The following SUGCT variants were observed in gnomAD, a reference collection of about 807,000 sequenced individuals.
SUGCT encodes succinyl-CoA:glutarate CoA-transferase.
A neutral mutation model predicts 55.0 loss-of-function variants in SUGCT; 41 were observed. The observed-to-expected ratio is 0.74, with a 90% CI of 0.58 to 0.97. SUGCT has a LOEUF of 0.97. Among genes scored for constraint, SUGCT ranks in the 50% least tolerant of loss-of-function variants. SUGCT has a pLI of 0.00. For missense variants in SUGCT, 568 were observed against 547.8 expected, an observed-to-expected ratio of 1.04 and a Z score of -0.37; for synonymous variants, 187 against 200.4, an observed-to-expected ratio of 0.93 and a Z score of 0.56.
intron 12 of SUGCT, among the ~76,000 whole-genome samples, chr7:40,639,032 G>C (rs1800145544): frequency 6.6e-6 from 1 of 152,216 alleles, no homozygotes; most frequent in African/African-American, 2.4e-5. Context: ...TGAATTGGGT[G>C]AACAGTGGGA....
chr7:40,916,435 T>A, the SUGCT span, among the ~76,000 whole-genome samples: 8 of 152,180 alleles, frequency 5.3e-5, no homozygotes, highest in African/African-American at 1.7e-4. Flanking sequence ...TACTACTAGA[T>A]TTTAACCTGG....
At chr7:40,692,027 A>T (rs1231430304) in intron 12 of SUGCT, among the ~76,000 whole-genome samples, 1 of 152,204 alleles carries the variant, frequency 6.6e-6, no homozygotes, top group African/African-American at 2.4e-5. Context: ...AATTTGAACT[A>T]GATGTCTCTA....
At chr7:40,953,933 C>G in the SUGCT span, among the ~76,000 whole-genome samples, 1 of 152,174 alleles carries the variant, frequency 6.6e-6, no homozygotes, top group African/African-American at 2.4e-5. Flanking sequence ...TGTCTGTTCT[C>G]AGATCTCAAA....
At chr7:40,679,580 C>T (rs920003767) in intron 12 of SUGCT, among the ~76,000 whole-genome samples, 6 of 152,114 alleles carry the variant, frequency 3.9e-5, no homozygotes, top group African/African-American at 1.4e-4. Context: ...TCTAGACAAC[C>T]TTTCCCACTT....
intron 9 of SUGCT, among the ~76,000 whole-genome samples, chr7:40,402,523 C>T (rs537407082): frequency 6.6e-6 from 1 of 151,752 alleles, no homozygotes; most frequent in Non-Finnish European, 1.5e-5. Context: ...AAAAATAAAT[C>T]CCCTTAACAA....
chr7:40,279,638 A>G (rs1176137830), intron 8 of SUGCT, among the ~76,000 whole-genome samples: 1 of 149,340 alleles, frequency 6.7e-6, no homozygotes, highest in Non-Finnish European at 1.5e-5. Flanking sequence ...AAAGTTGGCT[A>G]ATAACATAAT....
chr7:40,245,421 A>ATTTTTT (rs1789764719), intron 7 of SUGCT, among the ~76,000 whole-genome samples: 1 of 39,884 alleles, frequency 2.5e-5, no homozygotes, highest in Non-Finnish European at 4.7e-5. Flanking sequence ...ATATATATAT[A>ATTTTTT]TATTTTTTTT....
intron 12 of SUGCT, among the ~76,000 whole-genome samples, chr7:40,609,112 G>A (rs1344864176): frequency 6.6e-6 from 1 of 152,090 alleles, no homozygotes; most frequent in Non-Finnish European, 1.5e-5. Context: ...ATGTATCTGT[G>A]ATCTCGAGCA....
chr7:40,258,027 G>A (rs1790933625), intron 7 of SUGCT, among the ~76,000 whole-genome samples: 1 of 152,174 alleles, frequency 6.6e-6, no homozygotes, highest in Non-Finnish European at 1.5e-5. Flanking sequence ...GGTGTCCCAG[G>A]CTTCTTGCTG....
chr7:40,452,595 G>C (rs1301922369), intron 10 of SUGCT, among the ~76,000 whole-genome samples: 1 of 152,090 alleles, frequency 6.6e-6, no homozygotes, highest in African/African-American at 2.4e-5. Flanking sequence ...AAGTCTTATT[G>C]GTAGGTGAAC....
intron 9 of SUGCT, among the ~76,000 whole-genome samples, chr7:40,427,107 G>C (rs188584920): frequency 6.6e-6 from 1 of 152,102 alleles, no homozygotes; most frequent in African/African-American, 2.4e-5. Context: ...ATACAACCCA[G>C]CTAAGAATAG....
intron 12 of SUGCT, among the ~76,000 whole-genome samples, chr7:40,659,615 A>T (rs1801204583): frequency 6.6e-6 from 1 of 152,234 alleles, no homozygotes; most frequent in African/African-American, 2.4e-5. Context: ...GAATACCAAC[A>T]GGATTCTTGT....
At chr7:40,268,653 A>ATT (rs200344717) in intron 7 of SUGCT, among the ~76,000 whole-genome samples, 3 of 146,566 alleles carry the variant, frequency 2.0e-5, no homozygotes, top group African/African-American at 2.5e-5. Context: ...CTTGTTTTTA[A>ATT]TTTTTTTTTT....
intron 3 of SUGCT, among the ~76,000 whole-genome samples, chr7:40,183,042 G>A (rs1785306361): frequency 6.6e-6 from 1 of 152,222 alleles, no homozygotes; most frequent in Non-Finnish European, 1.5e-5. Context: ...GGAGGCCAAG[G>A]CAGGCGGATC....
intron 13 of SUGCT, among the ~76,000 whole-genome samples, chr7:40,805,426 A>T (rs1222026321): frequency 6.6e-6 from 1 of 152,210 alleles, no homozygotes; most frequent in Non-Finnish European, 1.5e-5. Context: ...CTGGCTGGCT[A>T]CATGTAACAT....
At chr7:41,028,574 A>G in the SUGCT span, among the ~76,000 whole-genome samples, 1 of 152,240 alleles carries the variant, frequency 6.6e-6, no homozygotes, top group Admixed American at 6.5e-5. Flanking sequence ...CTCCAAGGCT[A>G]CAAACTTGTA....
In SUGCT at chr7:40,650,737, G is replaced by C. The variant is rs552261304; in HGVS notation, c.1090-98697G>C. ...TGTACTTTTTTATTTTAAGTTCTAGGGTACATCTGCAGGATGTGCAGGTTT... is the reference window on the plus strand; with the variant it reads ...TGTACTTTTTTATTTTAAGTTCTAGCGTACATCTGCAGGATGTGCAGGTTT... On this transcript the variant is annotated intron_variant, in intron 12 of 13. Transcript: ENST00000335693. Among the ~76,000 whole-genome samples the C allele has an allele frequency of 2.1e-4, 32 of 152,136 alleles. No homozygotes were observed. The South Asian group carries it at 6.6e-3, about 32-fold the overall frequency.
At chr7:40,370,954 C>T (rs1311948168) in intron 9 of SUGCT, among the ~76,000 whole-genome samples, 6 of 151,998 alleles carry the variant, frequency 3.9e-5, no homozygotes, top group Non-Finnish European at 8.8e-5. Flanking sequence ...TACTGTTGTA[C>T]AGGATATATA....
chr7:40,367,501 T>A (rs1486364032), intron 9 of SUGCT, among the ~76,000 whole-genome samples: 1 of 151,948 alleles, frequency 6.6e-6, no homozygotes, highest in Admixed American at 6.6e-5. Context: ...GCTAAAAGTA[T>A]ATGAACTTAC....
Sources: allele counts gnomAD v4.1 joint callset (sites outside exome capture counted in the v4.1 genomes callset), GRCh38; gene constraint gnomAD v4.1.1; transcripts MANE v1.5; gene names NCBI Gene and HGNC (gene_info 2026-07-23, HGNC 2026-07-21).